Variants in TLK1 observed in about 807,000 individuals in gnomAD.
TLK1 encodes tousled like kinase 1.
Under a neutral mutation model 105.3 loss-of-function variants are expected in TLK1, and 24 were observed. The observed-to-expected ratio is 0.23, with a 90% CI of 0.17 to 0.32. TLK1 has a LOEUF of 0.32. Among genes scored for constraint, TLK1 ranks in the 10% least tolerant of loss-of-function variants. The probability of loss-of-function intolerance (pLI) is 1.00; values close to 1 mark genes in which losing one functional copy is unlikely to be tolerated. For synonymous variants in TLK1, 321 were observed against 310.4 expected (o/e 1.03, Z -0.36); for missense variants, 558 against 910.5 (o/e 0.61, Z 4.98).
chr2:171,055,107 C>T lies in TLK1; in HGVS notation c.615G>A (p.Lys205=). The T allele has an allele frequency of 6.7e-7, 1 of 1,490,448 alleles. No homozygotes were observed. The highest frequency in any genetic ancestry group is 1.5e-5 in the South Asian group (1 of 67,122). The allele number at this position is 1,490,448 out of a possible 1,614,324, so 92.3% of individuals were successfully genotyped here. A position where few individuals can be genotyped will look rare whatever the true frequency, so the allele number is the denominator to read the frequency against. The stretch of plus-strand genomic sequence containing the variant: ...CCTGAATAATTTTAAAGGATAATTG[C>T]TTTGGTTGTACAATAGGGTGGTCCC... ...AFGDHPIVQP[K]QLSFKIIQTD... is the part of the protein sequence containing the mutation. Residue 205 remains lysine (K), a synonymous_variant, in exon 7 of 21, where the codon AAG becomes AAA. Coordinates refer to ENST00000431350, the MANE Select transcript of TLK1 (RefSeq NM_012290.5).
At chr2:171,018,530 G>C (rs1425739499) in intron 12 of TLK1, among the ~76,000 whole-genome samples, 3 of 152,176 alleles carry the variant, frequency 2.0e-5, no homozygotes, top group Non-Finnish European at 1.5e-5. Flanking sequence ...CCTTGCCTGA[G>C]ACTGACATTA....
chr2:171,006,337 T>TA, intron 17 of TLK1, 55 bp from the exon 18 acceptor site: 1 of 1,496,436 alleles, frequency 6.7e-7, no homozygotes, highest in South Asian at 1.4e-5. Flanking sequence ...AACATAACTT[T>TA]AATAACTTTT....
At chr2:171,040,388 G>T (rs1220845883) in intron 11 of TLK1, among the ~76,000 whole-genome samples, 4 of 152,138 alleles carry the variant, frequency 2.6e-5, no homozygotes, top group Non-Finnish European at 5.9e-5. Context: ...GGTGTGGGAT[G>T]TTGACAGTAG....
At chr2:171,037,308 G>A (rs1160746161) in intron 11 of TLK1, among the ~76,000 whole-genome samples, 1 of 151,948 alleles carries the variant, frequency 6.6e-6, no homozygotes, top group African/African-American at 2.4e-5. Context: ...AGGCATAGTG[G>A]CGCATGGCTG....
intron 2 of TLK1, among the ~76,000 whole-genome samples, chr2:171,087,182 G>A (rs1223812909): frequency 6.6e-6 from 1 of 152,134 alleles, no homozygotes; most frequent in Non-Finnish European, 1.5e-5. Context: ...TACTCAAGAG[G>A]AAAGACAATC....
Position 171,053,743 on chromosome 2 carries a change from C to G in TLK1, c.732+18G>C, listed in dbSNP as rs1386131555. 6.4e-7 allele frequency: 1 copy of G among 1,563,608 alleles called. No homozygotes were observed. The highest frequency in any genetic ancestry group is 1.9e-5 in the Admixed American group (1 of 52,240). On this transcript the variant is annotated intron_variant, in intron 8 of 20. Coordinates refer to ENST00000431350, the MANE Select transcript of TLK1 (RefSeq NM_012290.5). ...ATAATTTATTCAATTTTTTTCCCCT[C>G]TATGACTCATTACTTACCCTGAGCA...
chr2:171,042,358 C>T (rs1447150407), intron 11 of TLK1, among the ~76,000 whole-genome samples: 2 of 152,128 alleles, frequency 1.3e-5, no homozygotes, highest in African/African-American at 4.8e-5. Flanking sequence ...GATCCTCCTG[C>T]CTCAGCCTCC....
chr2:171,063,104 C>T (rs906774835), intron 3 of TLK1, among the ~76,000 whole-genome samples: 2 of 152,042 alleles, frequency 1.3e-5, no homozygotes, highest in Non-Finnish European at 2.9e-5. Context: ...TCAGCACTTT[C>T]GGAGGCCGAG....
At chr2:171,129,044 C>T (rs1235667623) in intron 1 of TLK1, among the ~76,000 whole-genome samples, 2 of 152,046 alleles carry the variant, frequency 1.3e-5, no homozygotes, top group African/African-American at 4.8e-5. Flanking sequence ...GTACTTGATC[C>T]TGCAGTAAGA....
At chr2:171,000,253 C>T (rs1484686324) in intron 18 of TLK1, among the ~76,000 whole-genome samples, 1 of 151,732 alleles carries the variant, frequency 6.6e-6, no homozygotes, top group African/African-American at 2.4e-5. Context: ...TGGCGGGCAC[C>T]TGTAATCCCA....
At chr2:171,059,527 A>AT (rs1396818029) in intron 4 of TLK1, among the ~76,000 whole-genome samples, 1 of 151,878 alleles carries the variant, frequency 6.6e-6, no homozygotes, top group African/African-American at 2.4e-5. Flanking sequence ...GATGGCCCTG[A>AT]TTTTTTTCTT....
intron 18 of TLK1, among the ~76,000 whole-genome samples, chr2:171,000,695 G>A (rs1684324117): frequency 6.6e-6 from 1 of 152,072 alleles, no homozygotes; most frequent in South Asian, 2.1e-4. Flanking sequence ...CACACTCAGT[G>A]CAACTTTACA....
intron 2 of TLK1, among the ~76,000 whole-genome samples, chr2:171,093,262 A>G (rs1316802594): frequency 6.6e-6 from 1 of 152,224 alleles, no homozygotes; most frequent in Admixed American, 6.5e-5. Context: ...AGTAAGAAAC[A>G]AATAATTAAA....
At chr2:171,182,819 G>T (rs1042593618) in intron 1 of TLK1, among the ~76,000 whole-genome samples, 1 of 151,372 alleles carries the variant, frequency 6.6e-6, no homozygotes, top group Non-Finnish European at 1.5e-5. Flanking sequence ...TCATCCAGAG[G>T]TTGAGGCAGG....
intron 1 of TLK1, among the ~76,000 whole-genome samples, chr2:171,126,884 G>C (rs1053945855): frequency 2.7e-5 from 4 of 149,998 alleles, no homozygotes; most frequent in Admixed American, 6.7e-5. Context: ...TAAACACTAT[G>C]ACAACGAAAT....
At chr2:171,039,691 G>C (rs1686561263) in intron 11 of TLK1, among the ~76,000 whole-genome samples, 1 of 152,040 alleles carries the variant, frequency 6.6e-6, no homozygotes, top group Non-Finnish European at 1.5e-5. Context: ...GCTGCATTCA[G>C]GATTGTTTCT....
At position 171,014,856 on chromosome 2, in the gene TLK1, A is replaced by G. The variant is rs1411963847; in HGVS notation, c.1329T>C (p.Asn443=). 1 of 1,609,376 alleles carries G rather than the reference A, an allele frequency of 6.2e-7. No individual in the cohort carries two copies. The highest frequency in any genetic ancestry group is 1.3e-5 in the African/African-American group (1 of 74,780). The change falls in exon 13 of 21, where the codon AAT becomes AAC. Residue 443 remains asparagine, a synonymous_variant. Coordinates refer to ENST00000431350, the MANE Select transcript of TLK1 (RefSeq NM_012290.5). The part of the protein sequence containing the change: ...RELKRINNED[N]SQFKDHPTLN... ...AAATGCAAATAATGACTTACTGTGA[A>G]TTATCTTCATTGTTTATTCTTTTCA...
chr2:171,201,401 T>C (rs188053667), intron 1 of TLK1, among the ~76,000 whole-genome samples: 2 of 152,316 alleles, frequency 1.3e-5, no homozygotes, highest in East Asian at 3.9e-4. Context: ...CTGCCATTTA[T>C]TAAGAGCCAT....
chr2:171,147,649 A>G (rs1342113012), intron 1 of TLK1, among the ~76,000 whole-genome samples: 3 of 152,192 alleles, frequency 2.0e-5, no homozygotes, highest in Admixed American at 6.5e-5. Flanking sequence ...CTATCTGAAT[A>G]AATGTTCCTT....
Sources: allele counts gnomAD v4.1 joint callset (sites outside exome capture counted in the v4.1 genomes callset), GRCh38; gene constraint gnomAD v4.1.1; transcripts MANE v1.5; gene names NCBI Gene and HGNC (gene_info 2026-07-23, HGNC 2026-07-21).